ZNF438: variants seen among roughly 807,000 people sequenced by gnomAD.
The protein encoded by ZNF438 is zinc finger protein 438.
Under a neutral mutation model 38.0 loss-of-function variants are expected in ZNF438, and 25 were observed. That is an observed-to-expected ratio of 0.66 (90% CI 0.48 to 0.92). The LOEUF is 0.92. ZNF438 is among the 40% of genes least tolerant of loss of function. The pLI, the probability that ZNF438 is intolerant of heterozygous loss-of-function variation, is 0.00. For missense variants in ZNF438, 1,007 were observed against 999.6 expected, an observed-to-expected ratio of 1.01 and a Z score of -0.10; for synonymous variants, 372 against 364.1, an observed-to-expected ratio of 1.02 and a Z score of -0.25.
chr10:30,994,249 A>C, intron 1 of ZNF438, among the ~76,000 whole-genome samples: 1 of 152,198 alleles, frequency 6.6e-6, no homozygotes, highest in East Asian at 1.9e-4. Flanking sequence ...GAAGGACATA[A>C]ATTTTGGGTG....
chr10:31,020,880 C>T (rs1272158785), intron 1 of ZNF438, among the ~76,000 whole-genome samples: 1 of 151,758 alleles, frequency 6.6e-6, no homozygotes, highest in Non-Finnish European at 1.5e-5. Flanking sequence ...TTTGGTCTGT[C>T]AACAGAGACA....
intron 2 of ZNF438, among the ~76,000 whole-genome samples, chr10:30,936,026 T>A (rs951406815): frequency 2.6e-5 from 4 of 152,174 alleles, no homozygotes; most frequent in Non-Finnish European, 5.9e-5. Flanking sequence ...AAGCCGGTAC[T>A]CAAACCTCCT....
At chr10:30,922,063 T>A (rs1053971539) in intron 2 of ZNF438, among the ~76,000 whole-genome samples, 9 of 152,224 alleles carry the variant, frequency 5.9e-5, no homozygotes, top group Non-Finnish European at 2.9e-5. Context: ...ATGGAGTACT[T>A]GGCCCATATT....
At chr10:30,892,787 T>C (rs1461933522) in intron 3 of ZNF438, among the ~76,000 whole-genome samples, 3 of 152,226 alleles carry the variant, frequency 2.0e-5, no homozygotes, top group Non-Finnish European at 2.9e-5. Context: ...ATTTCCATAC[T>C]GAAGCAGATT....
chr10:30,847,304 C>A (rs2032418437), intron 5 of ZNF438, among the ~76,000 whole-genome samples: 1 of 152,098 alleles, frequency 6.6e-6, no homozygotes, highest in Admixed American at 6.5e-5. Context: ...ACATAAAAGC[C>A]CCGGACTTAG....
intron 2 of ZNF438, among the ~76,000 whole-genome samples, chr10:30,940,376 G>A (rs2046688315): frequency 6.6e-6 from 1 of 152,226 alleles, no homozygotes; most frequent in Non-Finnish European, 1.5e-5. Flanking sequence ...CTGGCAGAGA[G>A]AGAAAGAGCT....
At chr10:30,924,705 C>G (rs2044710646) in intron 2 of ZNF438, among the ~76,000 whole-genome samples, 1 of 152,112 alleles carries the variant, frequency 6.6e-6, no homozygotes, top group East Asian at 1.9e-4. Flanking sequence ...AAAGACTTGA[C>G]CACTATTCTT....
chr10:30,979,742 A>G (rs1160811113), intron 1 of ZNF438, among the ~76,000 whole-genome samples: 3 of 152,130 alleles, frequency 2.0e-5, no homozygotes, highest in Admixed American at 6.5e-5. Flanking sequence ...GTCTCCCACT[A>G]TTATTGTGTG....
At chr10:30,977,205 T>C (rs978483588) in intron 1 of ZNF438, among the ~76,000 whole-genome samples, 2 of 152,196 alleles carry the variant, frequency 1.3e-5, no homozygotes, top group South Asian at 2.1e-4. Flanking sequence ...ACTACTTTAA[T>C]TGAGAATACC....
intron 1 of ZNF438, among the ~76,000 whole-genome samples, chr10:31,009,393 C>A (rs1424570173): frequency 6.6e-6 from 1 of 152,198 alleles, no homozygotes; most frequent in African/African-American, 2.4e-5. Flanking sequence ...ATTGTGACAA[C>A]ACGTCCAGGA....
At position 30,868,666 on chromosome 10, in the gene ZNF438, C is replaced by T. The variant is rs918932581; in HGVS notation, c.37+8332G>A. Among the ~76,000 whole-genome samples, 7 of 152,332 alleles carry T rather than the reference C, an allele frequency of 4.6e-5. No individual in the cohort carries two copies. The East Asian group carries it at 9.6e-4, about 21-fold the overall frequency. On this transcript the variant is annotated intron_variant, in intron 4 of 5. Transcript: ENST00000413025. ...AATCCTAAATACCCCTGTCAAACTA[C>T]TTTGCTTTTATCCCTGCTCAAGCCA...
intron 3 of ZNF438, among the ~76,000 whole-genome samples, chr10:30,896,111 C>T (rs1008849961): frequency 3.3e-5 from 5 of 151,872 alleles, no homozygotes; most frequent in Non-Finnish European, 5.9e-5. Flanking sequence ...CTGGCTAACA[C>T]GGTGAAACCC....
At chr10:30,955,886 A>G (rs571792174) in intron 1 of ZNF438, among the ~76,000 whole-genome samples, 8 of 152,344 alleles carry the variant, frequency 5.3e-5, no homozygotes, top group South Asian at 2.1e-4. Flanking sequence ...CCTAACTGAA[A>G]GCAGAAACCT....
intron 1 of ZNF438, 106 bp from the exon 2 acceptor site, chr10:30,984,532 A>C (rs1286120333): frequency 6.6e-6 from 1 of 152,140 alleles, no homozygotes; most frequent in Non-Finnish European, 1.5e-5. Flanking sequence ...ATTACTGTAT[A>C]TTTTTATTAA....
exon 4 of ZNF438, chr10:30,877,063 T>G: frequency 6.3e-7 from 1 of 1,582,310 alleles, no homozygotes; most frequent in Non-Finnish European, 8.6e-7. Context: ...AATAGTATCT[T>G]TCCTAAAAAT....
intron 5 of ZNF438, among the ~76,000 whole-genome samples, chr10:30,848,296 TG>T (rs370394918): frequency 1.1e-4 from 17 of 152,190 alleles, no homozygotes; most frequent in African/African-American, 4.1e-4. Flanking sequence ...TAAAGACCAC[TG>T]GAACTATATA....
chr10:30,922,157 T>C (rs1386683424), intron 2 of ZNF438, among the ~76,000 whole-genome samples: 1 of 152,186 alleles, frequency 6.6e-6, no homozygotes, highest in Non-Finnish European at 1.5e-5. Flanking sequence ...GGATTACCTC[T>C]TCTATACTCT....
chr10:30,910,824 T>C (rs972429345), intron 2 of ZNF438, among the ~76,000 whole-genome samples: 5 of 151,922 alleles, frequency 3.3e-5, no homozygotes, highest in African/African-American at 4.8e-5. Flanking sequence ...TCTAAATTAA[T>C]ACAGTTAAAA....
At chr10:30,985,376 T>TA (rs1239989599) in intron 1 of ZNF438, among the ~76,000 whole-genome samples, 1 of 152,188 alleles carries the variant, frequency 6.6e-6, no homozygotes, top group Non-Finnish European at 1.5e-5. Context: ...AATGACTTTT[T>TA]AAAAAAATGC....
Sources: gnomAD v4.1 joint callset for allele counts (sites outside exome capture counted in the v4.1 genomes callset) on GRCh38, gnomAD v4.1.1 for gene constraint, MANE v1.5 for transcripts, NCBI Gene and HGNC (gene_info 2026-07-23, HGNC 2026-07-21) for gene names.